The following PRICKLE1 variants were observed in gnomAD, a reference collection of about 807,000 sequenced individuals.
The protein encoded by PRICKLE1 is prickle planar cell polarity protein 1.
PRICKLE1 carries 14 observed loss-of-function variants against 70.2 expected under a neutral mutation model. That is an observed-to-expected ratio of 0.20 (90% CI 0.13 to 0.31). The LOEUF (loss-of-function observed/expected upper bound fraction) is 0.31. PRICKLE1 is among the 10% of genes least tolerant of loss of function. The probability of loss-of-function intolerance (pLI) is 1.00; values close to 1 mark genes in which losing one functional copy is unlikely to be tolerated. For missense variants in PRICKLE1, 821 were observed against 1,026.2 expected (o/e 0.80, Z 2.73); for synonymous variants, 357 against 379.9 (o/e 0.94, Z 0.70).
intron 1 of PRICKLE1, among the ~76,000 whole-genome samples, chr12:42,555,419 A>C (rs1479964976): frequency 6.6e-6 from 1 of 152,170 alleles, no homozygotes; most frequent in Non-Finnish European, 1.5e-5. Context: ...TAGATGCGAA[A>C]AACAATAATC....
chr12:42,503,759 C>T (rs1939356834), intron 1 of PRICKLE1, among the ~76,000 whole-genome samples: 1 of 152,204 alleles, frequency 6.6e-6, no homozygotes, highest in Non-Finnish European at 1.5e-5. Context: ...CTATGGGAAT[C>T]TGATTTACCT....
At chr12:42,533,301 C>A (rs1939956620) in intron 1 of PRICKLE1, among the ~76,000 whole-genome samples, 1 of 150,094 alleles carries the variant, frequency 6.7e-6, no homozygotes, top group Non-Finnish European at 1.5e-5. Flanking sequence ...TTAATATTTT[C>A]CAATCAGCAC....
At chr12:42,545,987 G>A (rs929427457) in intron 1 of PRICKLE1, among the ~76,000 whole-genome samples, 1 of 151,552 alleles carries the variant, frequency 6.6e-6, no homozygotes, top group Non-Finnish European at 1.5e-5. Flanking sequence ...TTTTTTTCAA[G>A]TAATTTCTTA....
At chr12:42,507,605 T>C (rs1939442156) in intron 1 of PRICKLE1, among the ~76,000 whole-genome samples, 1 of 152,240 alleles carries the variant, frequency 6.6e-6, no homozygotes, top group Non-Finnish European at 1.5e-5. Context: ...TTTTGAGCTG[T>C]TATGATCACA....
chr12:42,564,661 G>C (rs750118641), intron 1 of PRICKLE1, among the ~76,000 whole-genome samples: 4 of 152,124 alleles, frequency 2.6e-5, no homozygotes, highest in Non-Finnish European at 5.9e-5. Flanking sequence ...TAAATTCTAG[G>C]AATACCAACA....
rs145747820 is a variant in PRICKLE1, at chr12:42,538,095, G to A, written c.-49+51370C>T. ...TTTGGGAGGTTGAGGAGACAGGATC[G>A]ATTGAGCTCAGGAATTCGAGACCAA... On this transcript the variant is annotated intron_variant, in intron 1 of 7. Transcript: ENST00000345127. Among the ~76,000 whole-genome samples, 26 of 152,220 alleles carry A rather than the reference G, an allele frequency of 1.7e-4. No individual in the cohort carries two copies. In the East Asian group the frequency reaches 2.5e-3, roughly 15 times the overall value.
At chr12:42,572,130 C>T (rs1940725475) in intron 1 of PRICKLE1, among the ~76,000 whole-genome samples, 1 of 152,064 alleles carries the variant, frequency 6.6e-6, no homozygotes, top group Non-Finnish European at 1.5e-5. Flanking sequence ...AGCACAGGAA[C>T]ATTGTTTAAA....
chr12:42,527,085 A>C (rs929014058), intron 1 of PRICKLE1, among the ~76,000 whole-genome samples: 1 of 151,642 alleles, frequency 6.6e-6, no homozygotes, highest in Admixed American at 6.6e-5. Context: ...GTGTCAGTGG[A>C]AAAGGGTACA....
intron 1 of PRICKLE1, among the ~76,000 whole-genome samples, chr12:42,581,172 T>G (rs570905354): frequency 5.3e-4 from 81 of 152,282 alleles, no homozygotes; most frequent in African/African-American, 1.5e-3. Flanking sequence ...GTATTTGTAT[T>G]TAGATGTGTG....
At chr12:42,486,646 T>C (rs1403884459) in intron 1 of PRICKLE1, among the ~76,000 whole-genome samples, 2 of 152,230 alleles carry the variant, frequency 1.3e-5, no homozygotes, top group Non-Finnish European at 2.9e-5. Flanking sequence ...ACTTTGGCGC[T>C]AATCCCTGGT....
intron 1 of PRICKLE1, among the ~76,000 whole-genome samples, chr12:42,477,202 G>A (rs1369754785): frequency 2.0e-5 from 3 of 151,470 alleles, no homozygotes; most frequent in Admixed American, 6.6e-5. Flanking sequence ...GAGAAACCCC[G>A]TCTCTACTAA....
At position 42,475,445 on chromosome 12, in the gene PRICKLE1, C is replaced by T. The variant is rs114216350; in HGVS notation, c.-48-2881G>A. Among the ~76,000 whole-genome samples the T allele has an allele frequency of 3.7e-3, 556 of 152,246 alleles. 2 individuals are homozygous for T. Among genetic ancestry groups the T allele is most frequent in the African/African-American group, 0.013 (537 of 41,522 alleles). On this transcript the variant is annotated intron_variant, in intron 1 of 7. Coordinates refer to ENST00000345127, the MANE Select transcript of PRICKLE1 (RefSeq NM_153026.3). ...TCCCTCAGGGTCAATTGCCCAAGGTCAGTAAGTGGTCTTAGGACCGGTCTT... is the reference window on the plus strand; with the variant it reads ...TCCCTCAGGGTCAATTGCCCAAGGTTAGTAAGTGGTCTTAGGACCGGTCTT...
chr12:42,479,253 A>T (rs934194607), intron 1 of PRICKLE1, among the ~76,000 whole-genome samples: 1 of 152,218 alleles, frequency 6.6e-6, no homozygotes, highest in Non-Finnish European at 1.5e-5. Flanking sequence ...CCTGAGTTTC[A>T]TCTTCTTTTT....
intron 1 of PRICKLE1, among the ~76,000 whole-genome samples, chr12:42,484,881 T>A (rs574047331): frequency 1.9e-4 from 29 of 152,336 alleles, no homozygotes; most frequent in African/African-American, 6.5e-4. Flanking sequence ...CTACAAATTT[T>A]AGTTTCCACT....
chr12:42,493,024 A>C lies in PRICKLE1; in HGVS notation c.-48-20460T>G, dbSNP rs540142348. Among the ~76,000 whole-genome samples, 18 of 152,310 alleles carry C rather than the reference A, an allele frequency of 1.2e-4. No homozygotes were observed. The East Asian group carries it at 3.5e-3, about 29-fold the overall frequency. On this transcript the variant is annotated intron_variant, in intron 1 of 7. Coordinates refer to ENST00000345127, the MANE Select transcript of PRICKLE1 (RefSeq NM_153026.3). ...TTGCGCATACTAAGTCTTAATTATC[A>C]GTCCATTTATTTATTTTTTTTTAAA...
intron 1 of PRICKLE1, among the ~76,000 whole-genome samples, chr12:42,481,542 C>T (rs1392988139): frequency 1.3e-5 from 2 of 152,176 alleles, no homozygotes; most frequent in African/African-American, 2.4e-5. Flanking sequence ...AAGTGCCATC[C>T]GTGGGCTACA....
intron 1 of PRICKLE1, among the ~76,000 whole-genome samples, chr12:42,505,983 T>TC (rs1382770996): frequency 6.6e-6 from 1 of 152,190 alleles, no homozygotes; most frequent in Non-Finnish European, 1.5e-5. Context: ...TTACCAGCTC[T>TC]CCTAAAAAAG....
intron 1 of PRICKLE1, among the ~76,000 whole-genome samples, chr12:42,504,274 G>T (rs1443367440): frequency 1.3e-5 from 2 of 152,176 alleles, no homozygotes; most frequent in Admixed American, 6.5e-5. Context: ...GCCAAGAAAA[G>T]AAACTTCTTA....
chr12:42,558,237 T>G (rs1940445682), intron 1 of PRICKLE1, among the ~76,000 whole-genome samples: 1 of 152,218 alleles, frequency 6.6e-6, no homozygotes, highest in African/African-American at 2.4e-5. Flanking sequence ...ATAAGAAATA[T>G]AAAAGATTTT....
Sources: gnomAD v4.1 joint callset for allele counts (sites outside exome capture counted in the v4.1 genomes callset) on GRCh38, gnomAD v4.1.1 for gene constraint, MANE v1.5 for transcripts, NCBI Gene and HGNC (gene_info 2026-07-23, HGNC 2026-07-21) for gene names.